EP400: variants seen among roughly 807,000 people sequenced by gnomAD.
EP400 encodes E1A binding protein p400.
EP400 carries 105 observed loss-of-function variants against 354.1 expected under a neutral mutation model. The observed-to-expected ratio is 0.30, with a 90% CI of 0.25 to 0.35. The LOEUF (loss-of-function observed/expected upper bound fraction) is 0.35, where lower values mean the gene tolerates loss of function less well. EP400 is among the 10% of genes least tolerant of loss of function. The pLI is 1.00. For synonymous variants in EP400, 1,646 were observed against 1,716.9 expected (o/e 0.96, Z 1.02); for missense variants, 3,280 against 4,121.0 (o/e 0.80, Z 5.59).
Position 131,982,319 on chromosome 12 carries a change from C to T in EP400, c.1770C>T (p.Leu590=). The T allele has an allele frequency of 6.2e-7, 1 of 1,614,164 alleles. No homozygotes were observed. Among genetic ancestry groups the T allele is most frequent in the Non-Finnish European group, 8.5e-7 (1 of 1,180,030 alleles). The change falls in exon 5 of 53, where the codon CTC becomes CTT. Residue 590 remains leucine (L), a synonymous_variant. Transcript: ENST00000389561. ...AAGTGGTAGAGGCCCAGACACAGCT[C>T]CAAATCCCGGTGAAGACTCAGCAGC... ...QPQVVEAQTQ[L]QIPVKTQQPN... is the part of the protein sequence containing the mutation.
rs1895413778 is a variant in EP400 at position 132,054,446 on chromosome 12, G to A, written c.7729-528G>A. The stretch of plus-strand genomic sequence containing the variant: ...TTCTGGAGCCACGTCCTACAGGGGA[G>A]GGAGGCAGCCAAAGGGATCATTTTA... On this transcript the variant is annotated intron_variant, in intron 43 of 52. Transcript: ENST00000389561. The surrounding 1 kb of genome is among the most constrained non-coding windows in gnomAD (Gnocchi z 4.0). 1.3e-5 allele frequency among the ~76,000 whole-genome samples: 2 copies of A among 152,212 alleles called. No individual in the cohort carries two copies. Among genetic ancestry groups the A allele is most frequent in the Non-Finnish European group, 2.9e-5 (2 of 68,034 alleles).
chr12:132,062,646 T>TCCAGGG lies in EP400; in HGVS notation c.8285_8290dup (p.Gly2762_Gln2763dup), dbSNP rs1007958941. On this transcript the variant is annotated inframe_insertion, in exon 47 of 53. Transcript: ENST00000389561. ...ACCTCTCAGGTGCAAGTTCCACAGA[T>TCCAGGG]CCAGGGCCAGGCCCAGTCCCCAGCA... 8 of 1,613,580 alleles carry TCCAGGG rather than the reference T, an allele frequency of 5.0e-6. No homozygotes were observed. Among genetic ancestry groups the TCCAGGG allele is most frequent in the Non-Finnish European group, 6.8e-6 (8 of 1,179,886 alleles).
intron 45 of EP400, among the ~76,000 whole-genome samples, chr12:132,060,393 T>C (rs1050813522): frequency 6.6e-6 from 1 of 152,142 alleles, no homozygotes; most frequent in African/African-American, 2.4e-5. Context: ...GATGCGTATA[T>C]GTAGAAAGTC....
chr12:132,062,757 C>A, intron 47 of EP400, 56 bp downstream of exon 47: 1 of 1,598,674 alleles, frequency 6.3e-7, no homozygotes, highest in South Asian at 1.1e-5. Flanking sequence ...GTCAGCCCAG[C>A]GTCTGTGAGA....
intron 1 of EP400, among the ~76,000 whole-genome samples, chr12:131,958,111 G>A (rs957543841): frequency 6.6e-6 from 1 of 152,104 alleles, no homozygotes; most frequent in African/African-American, 2.4e-5. Context: ...AAATAATCCC[G>A]AATATACTCT....
chr12:132,061,398 G>A (rs763536659), intron 45 of EP400, among the ~76,000 whole-genome samples: 7 of 152,374 alleles, frequency 4.6e-5, no homozygotes, highest in African/African-American at 1.7e-4. Context: ...ATCCAAATGC[G>A]TAAGCAATGA....
At position 132,052,581 on chromosome 12, in the gene EP400, G is replaced by GT. The variant is rs1486054495; in HGVS notation, c.7395-562dup. On this transcript the variant is annotated intron_variant, in intron 41 of 52. Coordinates refer to ENST00000389561, the MANE Select transcript of EP400 (RefSeq NM_015409.5). This position sits in a 1 kb window ranked among gnomAD's most constrained non-coding sequence, Gnocchi z 4.4. ...TTCAGACCCACTGCACATTTTACCT[G>GT]TTTGTCGTCTGATGTGAGTGCTGTG... Among the ~76,000 whole-genome samples, 6 of 152,358 alleles carry GT rather than the reference G, an allele frequency of 3.9e-5. No homozygotes were observed. Among genetic ancestry groups the GT allele is most frequent in the African/African-American group, 1.4e-4 (6 of 41,582 alleles).
intron 30 of EP400, 116 bp downstream of exon 30, chr12:132,032,265 T>C (rs901124350): frequency 2.9e-5 from 35 of 1,216,496 alleles, no homozygotes; most frequent in Admixed American, 5.1e-5. Context: ...GCAGGAGATA[T>C]TGGTGCAAGA....
At chr12:132,060,954 A>T (rs1242188842) in intron 45 of EP400, among the ~76,000 whole-genome samples, 1 of 152,096 alleles carries the variant, frequency 6.6e-6, no homozygotes, top group East Asian at 1.9e-4. Context: ...AAACAAAAAA[A>T]AACAAGGGCA....
Position 132,013,544 on chromosome 12 carries a change from C to G in EP400, c.3666C>G (p.Leu1222=). 6.2e-7 allele frequency: 1 copy of G among 1,611,254 alleles called. No homozygotes were observed. The highest frequency in any genetic ancestry group is 1.1e-5 in the South Asian group (1 of 90,550). ...DSPLHNTFLE[L]WTMVHFLVPG... ...CGCTGCACAATACCTTCCTGGAGCT[C>G]TGGACCATGGTGCACTTCCTGGTCC... is the stretch of plus-strand genomic sequence containing the variant. Residue 1222 remains leucine (L), a synonymous_variant, in exon 18 of 53, where the codon CTC becomes CTG. Transcript: ENST00000389561. The surrounding 1 kb of genome is among the most constrained non-coding windows in gnomAD (Gnocchi z 4.5).
At position 132,043,474 on chromosome 12, in the gene EP400, T is replaced by C; in HGVS notation, c.6366+12T>C. 1 of 1,610,348 alleles carries C rather than the reference T, an allele frequency of 6.2e-7. No individual in the cohort carries two copies. ...ACTTCATGGAGCAGGTTTGGGCATG[T>C]TTTCCTTTACAACTACATATTTTAA... On this transcript the variant is annotated intron_variant, in intron 33 of 52. Transcript: ENST00000389561.
chr12:132,063,748 G>A (rs927602153), intron 47 of EP400, among the ~76,000 whole-genome samples: 1 of 152,136 alleles, frequency 6.6e-6, no homozygotes, highest in Non-Finnish European at 1.5e-5. Flanking sequence ...GCTGTCGGTG[G>A]AATTTAGACA....
chr12:132,062,115 G>A lies in EP400; in HGVS notation c.7890G>A (p.Pro2630=), dbSNP rs376672857. The part of the protein sequence containing the change: ...SPVAPGALTT[P]GGSAPAQVVH... ...CCTCTGTTTGCCTTTTCTAGACGCC[G>A]GGAGGCTCTGCTCCCGCCCAGGTGG... is the stretch of plus-strand genomic sequence containing the variant. The change falls in exon 46 of 53, where the codon CCG becomes CCA. Residue 2630 remains proline, a synonymous_variant. Coordinates refer to ENST00000389561, the MANE Select transcript of EP400 (RefSeq NM_015409.5). 49 of 1,612,474 alleles carry A rather than the reference G, an allele frequency of 3.0e-5. No homozygotes were observed. In the African/African-American group the frequency reaches 4.3e-4, roughly 14 times the overall value.
intron 52 of EP400, among the ~76,000 whole-genome samples, chr12:132,076,970 A>G (rs781557162): frequency 6.6e-6 from 1 of 152,274 alleles, no homozygotes; most frequent in Non-Finnish European, 1.5e-5. Context: ...TGCCTCCCAC[A>G]GAAGCCCTTC....
At chr12:131,951,771 T>C (rs1891508145) in intron 1 of EP400, among the ~76,000 whole-genome samples, 1 of 151,324 alleles carries the variant, frequency 6.6e-6, no homozygotes, top group African/African-American at 2.4e-5. Context: ...CCAGCTAATT[T>C]TTTTGTATTG....
Position 132,006,225 on chromosome 12 carries a change from A to C in EP400, c.3049A>C (p.Asn1017His). The change falls in exon 14 of 53, where the codon AAC becomes CAC. Residue 1017 changes from asparagine (N) to histidine (H), a missense_variant. By Grantham distance (68) the Asn-to-His change is moderately conservative (BLOSUM62 1). Around this residue, in one of 20 missense-constraint regions of EP400, gnomAD observed 800 missense variants for 840.0 expected, o/e 0.95. Transcript: ENST00000389561. ...CGAGAGGATGAATATCGGGAAGCCA[A>C]ACGCCAAGGACATTGCGGACGTCAC... The part of the protein sequence containing the change: ...AAERMNIGKP[N>H]AKDIADVTAV... 2 of 1,614,222 alleles carry C rather than the reference A, an allele frequency of 1.2e-6. No individual in the cohort carries two copies. The highest frequency in any genetic ancestry group is 1.7e-6 in the Non-Finnish European group (2 of 1,180,048).
chr12:131,995,358 C>T (rs1043031547), intron 12 of EP400, among the ~76,000 whole-genome samples: 4 of 137,334 alleles, frequency 2.9e-5, no homozygotes, highest in African/African-American at 1.1e-4. Context: ...GAACTTCATA[C>T]CAACGAATCC....
chr12:132,025,587 G>A lies in EP400; in HGVS notation c.4856-59G>A, dbSNP rs1358709460. ...TTTGTACTGTTTGGAAGTGCCTGGA[G>A]TGTGTGGCTGTGATGTACACATGCC... On this transcript the variant is annotated intron_variant, in intron 24 of 52. Coordinates refer to ENST00000389561, the MANE Select transcript of EP400 (RefSeq NM_015409.5). This position sits in a 1 kb window ranked among gnomAD's most constrained non-coding sequence, Gnocchi z 4.1. 2.0e-6 allele frequency: 3 copies of A among 1,485,896 alleles called. No homozygotes were observed. The African/African-American group carries it at 4.2e-5, about 21-fold the overall frequency. 92.0% of individuals were successfully genotyped at this position (1,485,896 alleles called of 1,614,324 possible).
intron 2 of EP400, among the ~76,000 whole-genome samples, chr12:131,971,166 T>C (rs1364747717): frequency 6.6e-6 from 1 of 152,120 alleles, no homozygotes; most frequent in Non-Finnish European, 1.5e-5. Context: ...ATTGTGCCAC[T>C]ACACTCCAGG....
Sources: gnomAD v4.1 joint callset for allele counts (sites outside exome capture counted in the v4.1 genomes callset) on GRCh38, gnomAD v4.1.1 for gene constraint, gnomAD v4.1.1 regional missense constraint, Gnocchi (gnomAD v3.1) non-coding constraint, MANE v1.5 for transcripts, NCBI Gene and HGNC (gene_info 2026-07-23, HGNC 2026-07-21) for gene names.